The following CCDC97 variants were observed in gnomAD, a reference collection of about 807,000 sequenced individuals.
The protein encoded by CCDC97 is coiled-coil domain containing 97, also known as coiled-coil domain-containing protein 97.
In CCDC97, 27 loss-of-function variants were observed where a neutral mutation model predicts 33.9. The observed-to-expected ratio is 0.80, with a 90% CI of 0.59 to 1.10. The LOEUF is 1.10. Among genes scored for constraint, CCDC97 ranks in the 50% least tolerant of loss-of-function variants. The pLI, the probability that CCDC97 is intolerant of heterozygous loss-of-function variation, is 0.00. For missense variants in CCDC97, 422 were observed against 476.6 expected, an observed-to-expected ratio of 0.89 and a Z score of 1.07; for synonymous variants, 217 against 194.0, an observed-to-expected ratio of 1.12 and a Z score of -0.99.
At chr19:41,312,808 C>T (rs755990780) in intron 1 of CCDC97, among the ~76,000 whole-genome samples, 26 of 151,882 alleles carry the variant, frequency 1.7e-4, no homozygotes, top group Non-Finnish European at 3.1e-4. Context: ...TTTTTTAAGA[C>T]GGAGTCTCGC....
intron 1 of CCDC97, among the ~76,000 whole-genome samples, chr19:41,313,222 G>C (rs2037707369): frequency 6.6e-6 from 1 of 151,996 alleles, no homozygotes. Context: ...CCACTCCCCT[G>C]TGCCCTCCCC....
At chr19:41,314,885 C>T (rs1230467763) in intron 1 of CCDC97, among the ~76,000 whole-genome samples, 1 of 151,970 alleles carries the variant, frequency 6.6e-6, no homozygotes, top group South Asian at 2.1e-4. Flanking sequence ...GCCTGTAATT[C>T]CAGCACTTTG....
chr19:41,311,259 GA>G (rs2037680043), intron 1 of CCDC97, among the ~76,000 whole-genome samples: 1 of 151,940 alleles, frequency 6.6e-6, no homozygotes, highest in Admixed American at 6.6e-5. Flanking sequence ...GGTGGCTAGG[GA>G]GTAGCTAGGA....
intron 1 of CCDC97, among the ~76,000 whole-genome samples, chr19:41,311,749 A>AT (rs2037687837): frequency 6.6e-6 from 1 of 151,564 alleles, no homozygotes; most frequent in Non-Finnish European, 1.5e-5. Flanking sequence ...AAAAAAAAAA[A>AT]TTAGCCAGGT....
chr19:41,312,441 C>T (rs1430938983), intron 1 of CCDC97, among the ~76,000 whole-genome samples: 1 of 152,100 alleles, frequency 6.6e-6, no homozygotes, highest in Non-Finnish European at 1.5e-5. Flanking sequence ...TTGATCCTTC[C>T]ATCCTTTTTG....
At chr19:41,312,405 C>T (rs1317292171) in intron 1 of CCDC97, among the ~76,000 whole-genome samples, 1 of 151,928 alleles carries the variant, frequency 6.6e-6, no homozygotes, top group Non-Finnish European at 1.5e-5. Context: ...TTTTTTCTTA[C>T]TAGACTGGAC....
chr19:41,310,633 A>G (rs2037672337), intron 1 of CCDC97: 1 of 985,038 alleles, frequency 1.0e-6, no homozygotes, highest in South Asian at 4.7e-5. Flanking sequence ...CTAACTCTCA[A>G]ATTAACAGAA....
At chr19:41,312,058 C>A (rs2037692046) in intron 1 of CCDC97, among the ~76,000 whole-genome samples, 1 of 152,104 alleles carries the variant, frequency 6.6e-6, no homozygotes, top group Admixed American at 6.6e-5. Context: ...CCATGTTGTT[C>A]AATTCAGTCC....
At position 41,320,481 on chromosome 19, in the gene CCDC97, G is replaced by C. The variant is rs778818276; in HGVS notation, c.911+11G>C. 64 of 1,613,644 alleles carry C rather than the reference G, an allele frequency of 4.0e-5. No individual in the cohort carries two copies. The highest frequency in any genetic ancestry group is 4.9e-5 in the Non-Finnish European group (58 of 1,179,874). ...GGACTTTGACTACAGGTGCTCCTGT[G>C]CCTCCACCTCCCCATCCCCCAGCCC... On this transcript the variant is annotated intron_variant, in intron 4 of 4. Coordinates refer to ENST00000269967, the MANE Select transcript of CCDC97 (RefSeq NM_052848.3).
chr19:41,315,631 A>C (rs909592789), intron 1 of CCDC97, among the ~76,000 whole-genome samples: 3 of 151,448 alleles, frequency 2.0e-5, no homozygotes, highest in African/African-American at 7.3e-5. Context: ...AAGAAAAAAA[A>C]ATTTAAAGAT....
intron 1 of CCDC97, among the ~76,000 whole-genome samples, chr19:41,313,004 T>C (rs996099614): frequency 2.0e-5 from 3 of 152,166 alleles, no homozygotes; most frequent in Non-Finnish European, 4.4e-5. Flanking sequence ...GCTCCTGACC[T>C]GAAGTGATTC....
Position 41,323,701 on chromosome 19 carries a change from G to A in CCDC97, c.*986G>A, listed in dbSNP as rs2241718. Reference sequence around the variant, plus strand: ...TCTCCTGTTTACACTCCCCAAATGCGCACAGGCTGTTATCATGGGTCCTGA... The same window carrying A: ...TCTCCTGTTTACACTCCCCAAATGCACACAGGCTGTTATCATGGGTCCTGA... On this transcript the variant is annotated 3_prime_UTR_variant, in exon 5 of 5. Transcript: ENST00000269967. The A allele has an allele frequency of 0.15, 22,752 of 155,382 alleles. 1,915 individuals carry two copies. The highest frequency in any genetic ancestry group is 0.26 in the East Asian group (1,439 of 5,442). The allele number at this position is 155,382 out of a possible 1,614,324, so 9.6% of individuals were successfully genotyped here.
rs944516991 is a variant in CCDC97 at position 41,323,519 on chromosome 19, G to C, written c.*804G>C. The C allele has an allele frequency of 6.5e-6, 1 of 153,002 alleles. No individual in the cohort carries two copies. Among genetic ancestry groups the C allele is most frequent in the Non-Finnish European group, 1.5e-5 (1 of 68,372 alleles). 9.5% of individuals were successfully genotyped at this position (153,002 alleles called of 1,614,324 possible). On this transcript the variant is annotated 3_prime_UTR_variant, in exon 5 of 5. Transcript: ENST00000269967. ...GGGGAGGGAGGAGACCCCAGGCAGG[G>C]AGGATGGGGGCAGCTCTCTTCTCTC...
intron 2 of CCDC97, among the ~76,000 whole-genome samples, chr19:41,318,426 C>T (rs1305284338): frequency 1.3e-5 from 2 of 152,182 alleles, no homozygotes; most frequent in Non-Finnish European, 2.9e-5. Context: ...CCACTACACT[C>T]CAGCCTGGGC....
At position 41,324,065 on chromosome 19, in the gene CCDC97, A is replaced by C. The variant is rs1385870906; in HGVS notation, c.*1350A>C. 6.6e-6 allele frequency: 1 copy of C among 152,402 alleles called. No homozygotes were observed. The highest frequency in any genetic ancestry group is 1.5e-5 in the Non-Finnish European group (1 of 68,164). 9.4% of individuals were successfully genotyped at this position (152,402 alleles called of 1,614,324 possible). A position where few individuals can be genotyped will look rare whatever the true frequency, so the allele number is the denominator to read the frequency against. On this transcript the variant is annotated 3_prime_UTR_variant, in exon 5 of 5. Coordinates refer to ENST00000269967, the MANE Select transcript of CCDC97 (RefSeq NM_052848.3). Reference sequence around the variant, plus strand: ...AAGGACCCTCAAAACTGCCTCCTGGAGTCCACGGTTCCTGACCTCCGAGCC... The same window carrying C: ...AAGGACCCTCAAAACTGCCTCCTGGCGTCCACGGTTCCTGACCTCCGAGCC...
Position 41,310,296 on chromosome 19 carries a change from T to C in CCDC97, c.-15T>C. On this transcript the variant is annotated 5_prime_UTR_variant, in exon 1 of 5. Transcript: ENST00000269967. ...CGGGGCCCGCCGGGCGGTTGAAAAG[T>C]CCGAGAGAATCAGGATGGAGGCCGT... The C allele has an allele frequency of 1.3e-6, 2 of 1,597,770 alleles. No homozygotes were observed. Among genetic ancestry groups the C allele is most frequent in the Admixed American group, 1.7e-5 (1 of 57,660 alleles).
intron 1 of CCDC97, among the ~76,000 whole-genome samples, chr19:41,315,863 G>T (rs2037740054): frequency 6.6e-6 from 1 of 152,100 alleles, no homozygotes; most frequent in African/African-American, 2.4e-5. Context: ...GGAGGCCAAG[G>T]CAGGAGGATT....
Position 41,322,693 on chromosome 19 carries a change from G to A in CCDC97, c.1010G>A (p.Ser337Asn). ...FDEEEPEDAP[S>N]PELDGD ...GAGGAAGAACCTGAGGATGCGCCCA[G>A]CCCAGAGCTGGATGGGGACTGATGG... Residue 337 changes from serine to asparagine, a missense_variant, in exon 5 of 5, where the codon AGC (serine) becomes AAC (asparagine). Physicochemically the swap from Ser to Asn is conservative, Grantham distance 46 (BLOSUM62 1). Transcript: ENST00000269967. 6.2e-7 allele frequency: 1 copy of A among 1,613,716 alleles called. No homozygotes were observed. Among genetic ancestry groups the A allele is most frequent in the East Asian group, 2.2e-5 (1 of 44,858 alleles).
intron 4 of CCDC97, 124 bp downstream of exon 4, chr19:41,320,594 C>A: frequency 7.8e-7 from 1 of 1,281,668 alleles, no homozygotes. Context: ...CAAAACAGTT[C>A]CAGGATGTGG....
Sources: allele counts gnomAD v4.1 joint callset (sites outside exome capture counted in the v4.1 genomes callset), GRCh38; gene constraint gnomAD v4.1.1; transcripts MANE v1.5; gene names NCBI Gene and HGNC (gene_info 2026-07-23, HGNC 2026-07-21).